Variants in KCNMA1 observed in about 807,000 individuals in gnomAD.
KCNMA1 encodes the protein potassium calcium-activated channel subfamily M alpha 1.
KCNMA1 carries 29 observed loss-of-function variants against 140.0 expected under a neutral mutation model. The ratio of observed to expected loss-of-function variants is 0.21; its 90% CI spans 0.15 to 0.28. The LOEUF is 0.28. Among genes scored for constraint, KCNMA1 ranks in the 10% least tolerant of loss-of-function variants. The pLI is 1.00. For synonymous variants in KCNMA1, 612 were observed against 611.9 expected, an observed-to-expected ratio of 1.00 and a Z score of 0.00; for missense variants, 880 against 1,602.2, an observed-to-expected ratio of 0.55 and a Z score of 7.70.
At chr10:77,146,529 C>G (rs752262430) in intron 5 of KCNMA1, among the ~76,000 whole-genome samples, 3 of 151,748 alleles carry the variant, frequency 2.0e-5, no homozygotes, top group Admixed American at 6.6e-5. Context: ...GGCAAAACTT[C>G]GTCTCTTCTA....
chr10:76,955,887 G>C (rs1424817228), intron 20 of KCNMA1, among the ~76,000 whole-genome samples: 1 of 152,142 alleles, frequency 6.6e-6, no homozygotes, highest in Non-Finnish European at 1.5e-5. Context: ...TCAGTTGCAA[G>C]AGGATATTAG....
At chr10:77,523,172 C>G (rs1344696579) in intron 1 of KCNMA1, among the ~76,000 whole-genome samples, 1 of 150,056 alleles carries the variant, frequency 6.7e-6, no homozygotes, top group Non-Finnish European at 1.5e-5. Flanking sequence ...TCCTTAAGAA[C>G]AGAAGCTATG....
At chr10:77,326,291 A>T (rs900117173) in intron 2 of KCNMA1, among the ~76,000 whole-genome samples, 1 of 152,146 alleles carries the variant, frequency 6.6e-6, no homozygotes, top group African/African-American at 2.4e-5. Flanking sequence ...ACCACCATGA[A>T]GCCTCTACAC....
intron 19 of KCNMA1, chr10:76,980,527 C>A (rs2163798): frequency 0.69 from 105,553 of 152,062 alleles, 37,469 homozygotes; most frequent in East Asian, 0.88. Context: ...CTTGGCACCA[C>A]CCTGCTGATA....
At chr10:77,026,456 T>C (rs1295213673) in intron 16 of KCNMA1, among the ~76,000 whole-genome samples, 1 of 152,212 alleles carries the variant, frequency 6.6e-6, no homozygotes, top group African/African-American at 2.4e-5. Flanking sequence ...CAAGTGAGTA[T>C]TGGCAAAAAC....
At chr10:77,556,413 G>C (rs966820304) in intron 1 of KCNMA1, among the ~76,000 whole-genome samples, 1 of 144,676 alleles carries the variant, frequency 6.9e-6, no homozygotes, top group East Asian at 2.2e-4. Context: ...GCTGAGGCAG[G>C]AGAATTGCTT....
chr10:77,457,288 T>A (rs138277992), intron 1 of KCNMA1, among the ~76,000 whole-genome samples: 1 of 152,158 alleles, frequency 6.6e-6, no homozygotes, highest in South Asian at 2.1e-4. Flanking sequence ...TCAGCAGGAA[T>A]GCAGGCAGAA....
At chr10:77,637,198 G>A (rs1234059333) in intron 1 of KCNMA1, 67 bp downstream of exon 1, 1 of 1,423,766 alleles carries the variant, frequency 7.0e-7, no homozygotes, top group Non-Finnish European at 9.6e-7. Flanking sequence ...GCGAGGAGGT[G>A]GGCTGCAGGG....
At chr10:77,427,449 G>A (rs1216895416) in intron 1 of KCNMA1, among the ~76,000 whole-genome samples, 3 of 152,226 alleles carry the variant, frequency 2.0e-5, no homozygotes, top group African/African-American at 7.2e-5. Context: ...CACAGAGGGT[G>A]TTAGCTGAGA....
chr10:77,637,100 C>G (rs1603639310), intron 1 of KCNMA1, 165 bp downstream of exon 1: 8 of 1,303,288 alleles, frequency 6.1e-6, no homozygotes, highest in East Asian at 5.2e-5. Context: ...CCCGCTGCCC[C>G]GATCCGAGAG....
chr10:77,339,201 C>T (rs1266415178), intron 2 of KCNMA1, among the ~76,000 whole-genome samples: 1 of 151,852 alleles, frequency 6.6e-6, no homozygotes, highest in Non-Finnish European at 1.5e-5. Context: ...GCAGGCTCTT[C>T]CATGCCCATC....
intron 1 of KCNMA1, among the ~76,000 whole-genome samples, chr10:77,423,750 C>T (rs886166938): frequency 2.0e-5 from 3 of 152,284 alleles, no homozygotes; most frequent in African/African-American, 2.4e-5. Context: ...GACAAAGCCA[C>T]GCTTTCTGCT....
intron 25 of KCNMA1, among the ~76,000 whole-genome samples, chr10:76,897,993 C>G (rs913257703): frequency 1.3e-5 from 2 of 151,662 alleles, no homozygotes; most frequent in Non-Finnish European, 3.0e-5. Flanking sequence ...GTTTACACTA[C>G]AGAAAATAAG....
chr10:77,016,993 GATCCCCTA>G (rs2092172331), intron 17 of KCNMA1, among the ~76,000 whole-genome samples: 1 of 151,978 alleles, frequency 6.6e-6, no homozygotes, highest in African/African-American at 2.4e-5. Context: ...ATCTATTTGA[GATCCCCTA>G]ACTGACAGCA....
chr10:77,134,536 C>T (rs1229138630), intron 5 of KCNMA1, among the ~76,000 whole-genome samples: 2 of 152,000 alleles, frequency 1.3e-5, no homozygotes, highest in East Asian at 1.9e-4. Context: ...GACTTAAGAT[C>T]CAAAACTGTG....
chr10:77,403,032 C>G (rs1236585528), intron 2 of KCNMA1, among the ~76,000 whole-genome samples: 1 of 152,218 alleles, frequency 6.6e-6, no homozygotes, highest in Non-Finnish European at 1.5e-5. Context: ...TTGCCCAGGA[C>G]TTTCCCAGTT....
At chr10:77,428,760 A>G (rs962824964) in intron 1 of KCNMA1, among the ~76,000 whole-genome samples, 2 of 152,162 alleles carry the variant, frequency 1.3e-5, no homozygotes, top group African/African-American at 4.8e-5. Flanking sequence ...AAAGGCTGGA[A>G]TACCTTGAAT....
At chr10:77,596,585 A>G (rs2081004809) in intron 1 of KCNMA1, among the ~76,000 whole-genome samples, 1 of 152,238 alleles carries the variant, frequency 6.6e-6, no homozygotes, top group South Asian at 2.1e-4. Context: ...CAGGATTTAC[A>G]TGCGCACAAG....
intron 23 of KCNMA1, among the ~76,000 whole-genome samples, chr10:76,934,996 G>A (rs1341374189): frequency 6.6e-6 from 1 of 152,178 alleles, no homozygotes; most frequent in East Asian, 1.9e-4. Flanking sequence ...CAGCTCCGAA[G>A]TCCCATCTAT....
Sources: allele counts gnomAD v4.1 joint callset (sites outside exome capture counted in the v4.1 genomes callset), GRCh38; gene constraint gnomAD v4.1.1; transcripts MANE v1.5; gene names NCBI Gene and HGNC (gene_info 2026-07-23, HGNC 2026-07-21).